NHS: variants seen among roughly 807,000 people sequenced by gnomAD.
The protein encoded by NHS is NHS actin remodeling regulator.
A neutral mutation model predicts 72.5 loss-of-function variants in NHS; 5 were observed. The ratio of observed to expected loss-of-function variants is 0.07; its 90% CI spans 0.04 to 0.14. The LOEUF is 0.14. Ranked by LOEUF, NHS falls within the 10% of genes least tolerant of loss-of-function variation. NHS has a pLI of 1.00. For missense variants in NHS, 1,072 were observed against 1,355.7 expected, an observed-to-expected ratio of 0.79 and a Z score of 3.29; for synonymous variants, 464 against 547.7, an observed-to-expected ratio of 0.85 and a Z score of 2.13.
At chrX:17,593,869 G>GTGGA (rs932264895) in intron 1 of NHS, among the ~76,000 whole-genome samples, 3 of 111,913 alleles carry the variant, frequency 2.7e-5, no homozygotes, top group Admixed American at 9.4e-5. Context: ...GGGAAAGTAG[G>GTGGA]TGGATGGATG....
intron 1 of NHS, among the ~76,000 whole-genome samples, chrX:17,627,465 C>A (rs1169393520): frequency 8.9e-6 from 1 of 112,236 alleles, no homozygotes; most frequent in Non-Finnish European, 1.9e-5. Flanking sequence ...TCAATTAATA[C>A]AATCAACTCA....
intron 1 of NHS, among the ~76,000 whole-genome samples, chrX:17,647,629 C>T (rs913403860): frequency 8.9e-6 from 1 of 112,425 alleles, no homozygotes; most frequent in Non-Finnish European, 1.9e-5. Flanking sequence ...CATATTCTAA[C>T]AAATCATAGT....
chrX:17,509,787 G>A (rs1461003046), intron 1 of NHS, among the ~76,000 whole-genome samples: 2 of 111,816 alleles, frequency 1.8e-5, no homozygotes, highest in Non-Finnish European at 3.8e-5. Flanking sequence ...ATAAGAAATG[G>A]TTAGAAAACA....
chrX:17,709,671 G>A, intron 3 of NHS, among the ~76,000 whole-genome samples: 1 of 111,792 alleles, frequency 8.9e-6, no homozygotes, highest in East Asian at 2.8e-4. Flanking sequence ...AGGAATGGAA[G>A]GAAGGGGTTG....
chrX:17,490,340 T>C (rs189232392), intron 1 of NHS, among the ~76,000 whole-genome samples: 42 of 112,587 alleles, frequency 3.7e-4, no homozygotes, highest in African/African-American at 1.3e-3. Context: ...GTTTTCTGCA[T>C]ATGGCTAGCC....
chrX:17,523,033 A>G (rs1315861004), intron 1 of NHS, among the ~76,000 whole-genome samples: 1 of 112,173 alleles, frequency 8.9e-6, no homozygotes, highest in Non-Finnish European at 1.9e-5. Context: ...AAAAATGGAT[A>G]AGGAAGACTC....
intron 1 of NHS, among the ~76,000 whole-genome samples, chrX:17,489,290 C>T (rs2064980155): frequency 9.0e-6 from 1 of 111,609 alleles, no homozygotes; most frequent in African/African-American, 3.3e-5. Context: ...GATTTATAGT[C>T]CTTTGGGTAT....
At chrX:17,445,665 A>T (rs1298265872) in intron 1 of NHS, among the ~76,000 whole-genome samples, 1 of 103,201 alleles carries the variant, frequency 9.7e-6, no homozygotes, top group Admixed American at 1.1e-4. Flanking sequence ...AATAAAGATC[A>T]TTGTTCTTTA....
chrX:17,694,125 C>T lies in NHS; in HGVS notation c.852+1657C>T, dbSNP rs150044995. Among the ~76,000 whole-genome samples the T allele has an allele frequency of 5.6e-3, 626 of 111,869 alleles. 3 individuals are homozygous for T. Among genetic ancestry groups the T allele is most frequent in the African/African-American group, 0.019 (594 of 30,787 alleles). On this transcript the variant is annotated intron_variant, in intron 3 of 8. Transcript: ENST00000676302. ...GACTATAGGAAAAGGCTTAAAATGA[C>T]GAATAGCAACGAGAGTACATCATTT...
At chrX:17,629,167 G>A (rs188414042) in intron 1 of NHS, among the ~76,000 whole-genome samples, 225 of 112,049 alleles carry the variant, frequency 2.0e-3, no homozygotes, top group African/African-American at 7.0e-3. Flanking sequence ...GGGGTGAGGG[G>A]GAGAGGGAGA....
intron 1 of NHS, among the ~76,000 whole-genome samples, chrX:17,491,365 C>G (rs1028075874): frequency 4.5e-5 from 5 of 111,886 alleles, no homozygotes; most frequent in African/African-American, 6.5e-5. Context: ...TTGTCTGCAT[C>G]TATTGAGATA....
At chrX:17,672,557 T>C (rs2066054227) in intron 1 of NHS, among the ~76,000 whole-genome samples, 1 of 112,419 alleles carries the variant, frequency 8.9e-6, no homozygotes, top group African/African-American at 3.2e-5. Context: ...CAGGAAGAGG[T>C]CATTCCACTA....
At chrX:17,394,980 A>G (rs2064465966) in intron 1 of NHS, among the ~76,000 whole-genome samples, 2 of 111,245 alleles carry the variant, frequency 1.8e-5, no homozygotes, top group Non-Finnish European at 3.8e-5. Flanking sequence ...AGGCTCCACT[A>G]GTGGCTTTAA....
chrX:17,718,288 C>T (rs1031079795), intron 3 of NHS, among the ~76,000 whole-genome samples: 2 of 90,273 alleles, frequency 2.2e-5, no homozygotes, highest in Non-Finnish European at 4.1e-5. Flanking sequence ...GTGCTCTTAA[C>T]CACTATTTAT....
In NHS at chrX:17,521,366, C is replaced by CTTTTTTTTTTTTTTTTTTTTTTTTT. The variant is rs766662277; in HGVS notation, c.565+145057_565+145058insTTTTTTTTTTTTTTTTTTTTTTTTT. 5.4e-4 allele frequency among the ~76,000 whole-genome samples: 53 copies of CTTTTTTTTTTTTTTTTTTTTTTTTT among 97,316 alleles called. 6 individuals are homozygous for CTTTTTTTTTTTTTTTTTTTTTTTTT. The highest frequency in any genetic ancestry group is 2.2e-3 in the African/African-American group (51 of 23,127). The allele number at this position is 97,316 out of a possible 115,157, so 84.5% of individuals were successfully genotyped here. A position where few individuals can be genotyped will look rare whatever the true frequency, so the allele number is the denominator to read the frequency against. ...AGTTCTACCTTTTTCTCCCTTCCCTCTTTTTTTTTTTTTGAGACAGGGTCT... is the reference window on the plus strand; with the variant it reads ...AGTTCTACCTTTTTCTCCCTTCCCTCTTTTTTTTTTTTTTTTTTTTTTTTTTTTTTTTTTTTTTGAGACAGGGTCT... On this transcript the variant is annotated intron_variant, in intron 1 of 8. Transcript: ENST00000676302.
intron 1 of NHS, among the ~76,000 whole-genome samples, chrX:17,597,776 G>A (rs189275918): frequency 9.0e-6 from 1 of 110,756 alleles, no homozygotes; most frequent in Non-Finnish European, 1.9e-5. Flanking sequence ...GGGAGAGGAA[G>A]AGTGGGTCGA....
chrX:17,630,171 C>T (rs1299968709), intron 1 of NHS, among the ~76,000 whole-genome samples: 2 of 97,886 alleles, frequency 2.0e-5, no homozygotes, highest in Admixed American at 1.2e-4. Context: ...CATTGGTAAT[C>T]TAGTGTGCCA....
intron 1 of NHS, among the ~76,000 whole-genome samples, chrX:17,498,916 G>C (rs914456245): frequency 8.9e-6 from 1 of 111,869 alleles, no homozygotes; most frequent in East Asian, 2.8e-4. Context: ...TGTTGATGCA[G>C]ATTTAGAAAA....
chrX:17,466,260 G>A (rs1430232822), intron 1 of NHS, among the ~76,000 whole-genome samples: 1 of 112,713 alleles, frequency 8.9e-6, no homozygotes, highest in African/African-American at 3.2e-5. Flanking sequence ...GAAAACAGAT[G>A]GGGGAAGTCT....
Sources: allele counts gnomAD v4.1 joint callset (sites outside exome capture counted in the v4.1 genomes callset), GRCh38; gene constraint gnomAD v4.1.1; transcripts MANE v1.5; gene names NCBI Gene and HGNC (gene_info 2026-07-23, HGNC 2026-07-21).